The following AGXT2 variants were observed in gnomAD, a reference collection of about 807,000 sequenced individuals.
The protein encoded by AGXT2 is alanine--glyoxylate aminotransferase 2, also known as alanine--glyoxylate aminotransferase 2, mitochondrial.
Under a neutral mutation model 62.5 loss-of-function variants are expected in AGXT2, and 61 were observed. The ratio of observed to expected loss-of-function variants is 0.98; its 90% CI spans 0.79 to 1.21. The LOEUF (loss-of-function observed/expected upper bound fraction) is 1.21, where lower values mean the gene tolerates loss of function less well. AGXT2 is among the 50% of genes most tolerant of loss of function. AGXT2 has a pLI of 0.00. For missense variants in AGXT2, 666 were observed against 641.5 expected, an observed-to-expected ratio of 1.04 and a Z score of -0.41; for synonymous variants, 243 against 218.7, an observed-to-expected ratio of 1.11 and a Z score of -0.98.
At chr5:35,022,756 A>AG (rs1767161589) in intron 9 of AGXT2, among the ~76,000 whole-genome samples, 1 of 151,372 alleles carries the variant, frequency 6.6e-6, no homozygotes, top group Non-Finnish European at 1.5e-5. Context: ...GTAAAAAAAA[A>AG]AAAAAAGGAA....
intron 7 of AGXT2, among the ~76,000 whole-genome samples, chr5:35,032,413 C>T (rs1170307648): frequency 6.6e-6 from 1 of 152,112 alleles, no homozygotes; most frequent in Non-Finnish European, 1.5e-5. Context: ...AAATTGACAC[C>T]AGAGCTATTG....
In AGXT2 at chr5:35,008,163, G is replaced by A. The variant is rs139611169; in HGVS notation, c.1338+1837C>T. ...GTATTCCTTTACAGCAACACAAATG[G>A]ACTAAAAAAACCTGTTTCATTGTTT... On this transcript the variant is annotated intron_variant, in intron 12 of 13. Coordinates refer to ENST00000231420, the MANE Select transcript of AGXT2 (RefSeq NM_031900.4). Among the ~76,000 whole-genome samples, 710 of 152,086 alleles carry A rather than the reference G, an allele frequency of 4.7e-3. 4 individuals carry two copies. The highest frequency in any genetic ancestry group is 7.4e-3 in the Non-Finnish European group (504 of 67,984).
chr5:35,047,500 T>A (rs879730474), intron 1 of AGXT2, among the ~76,000 whole-genome samples: 1 of 152,210 alleles, frequency 6.6e-6, no homozygotes, highest in Non-Finnish European at 1.5e-5. Flanking sequence ...CACACTCTAT[T>A]TTGATTGCTT....
chr5:35,020,454 C>A (rs966987763), intron 9 of AGXT2, among the ~76,000 whole-genome samples: 2 of 152,108 alleles, frequency 1.3e-5, no homozygotes, highest in Non-Finnish European at 2.9e-5. Flanking sequence ...AGCATATAAG[C>A]AGAACCAAAG....
Position 35,013,033 on chromosome 5 carries a change from G to T in AGXT2, c.1109C>A (p.Ser370Tyr). ...GAAGTGCTGCAGGCATTTCGCCAAA[G>T]ATTTGGCAATCTCTAGAGGGAGAAA... ...AVITTPEIAKSLAKCLQHFNT... is the reference protein window; with the variant it reads ...AVITTPEIAKYLAKCLQHFNT... The change falls in exon 11 of 14, where the codon TCT becomes TAT. Residue 370 changes from serine to tyrosine, a missense_variant. Physicochemically the swap from Ser to Tyr is moderately radical, Grantham distance 144. Transcript: ENST00000231420. 1 of 1,551,722 alleles carries T rather than the reference G, an allele frequency of 6.4e-7. No homozygotes were observed. Among genetic ancestry groups the T allele is most frequent in the Admixed American group, 2.0e-5 (1 of 51,010 alleles).
intron 8 of AGXT2, 189 bp from the exon 9 acceptor site, chr5:35,026,044 AAAG>A (rs1767331858): frequency 1.6e-6 from 1 of 629,926 alleles, no homozygotes; most frequent in African/African-American, 1.8e-5. Context: ...CTTCTGGAAA[AAAG>A]ATGCAAACAT....
intron 7 of AGXT2, among the ~76,000 whole-genome samples, chr5:35,029,101 G>A (rs773603361): frequency 8.5e-5 from 13 of 152,206 alleles, no homozygotes; most frequent in Non-Finnish European, 1.6e-4. Context: ...GTGTGAGAAA[G>A]GAAGAAATGA....
intron 1 of AGXT2, among the ~76,000 whole-genome samples, chr5:35,045,928 C>T (rs562696442): frequency 3.3e-5 from 5 of 151,882 alleles, no homozygotes; most frequent in Admixed American, 6.6e-5. Context: ...CCACCATGCC[C>T]GACTAATTTT....
intron 7 of AGXT2, among the ~76,000 whole-genome samples, chr5:35,029,644 T>G (rs1230850261): frequency 1.3e-5 from 2 of 152,206 alleles, no homozygotes; most frequent in African/African-American, 4.8e-5. Context: ...CAGAAAGAGT[T>G]AAGCTGAGTG....
At position 34,998,520 on chromosome 5, in the gene AGXT2, C is replaced by T; in HGVS notation, c.*199G>A. The T allele has an allele frequency of 1.6e-6, 1 of 614,084 alleles. No individual in the cohort carries two copies. The highest frequency in any genetic ancestry group is 2.9e-6 in the Non-Finnish European group (1 of 347,266). The allele number at this position is 614,084 out of a possible 1,614,324, so 38.0% of individuals were successfully genotyped here. A position where few individuals can be genotyped will look rare whatever the true frequency, so the allele number is the denominator to read the frequency against. On this transcript the variant is annotated 3_prime_UTR_variant, in exon 14 of 14. Transcript: ENST00000231420. The stretch of plus-strand genomic sequence containing the variant: ...TTCTCTGAGCTAGGGAGATCCTTTC[C>T]CTGAAGAATGGAGTTCTCAAGATAA...
At chr5:35,006,705 G>C (rs146963886) in intron 12 of AGXT2, among the ~76,000 whole-genome samples, 1 of 152,260 alleles carries the variant, frequency 6.6e-6, no homozygotes, top group East Asian at 1.9e-4. Context: ...AAAATGTATA[G>C]ATATTTAAAA....
intron 7 of AGXT2, among the ~76,000 whole-genome samples, chr5:35,029,908 TGC>T (rs1191099866): frequency 6.6e-6 from 1 of 152,170 alleles, no homozygotes; most frequent in East Asian, 1.9e-4. Flanking sequence ...AATGGCCCCC[TGC>T]CTCTGTTGGG....
intron 7 of AGXT2, among the ~76,000 whole-genome samples, chr5:35,032,500 G>A (rs1767606608): frequency 6.6e-6 from 1 of 152,198 alleles, no homozygotes; most frequent in Admixed American, 6.5e-5. Context: ...GGCTCTGATA[G>A]CGTGAGATGC....
intron 2 of AGXT2, 49 bp from the exon 3 acceptor site, chr5:35,039,557 G>A (rs1050955008): frequency 1.3e-6 from 2 of 1,584,154 alleles, no homozygotes; most frequent in Non-Finnish European, 1.7e-6. Context: ...AAGATCAATA[G>A]CAGTCAATCT....
chr5:35,011,889 T>G (rs927203151), intron 11 of AGXT2, among the ~76,000 whole-genome samples: 1 of 149,474 alleles, frequency 6.7e-6, no homozygotes, highest in African/African-American at 2.5e-5. Context: ...CATCAATTGA[T>G]GAGTGGATAA....
In AGXT2 at chr5:35,026,431, T is replaced by A. The variant is rs775148379; in HGVS notation, c.849A>T (p.Gly283=). ...CCACTTGAATAGGTTCTGCGAAAAA[T>A]CCAGCAATTGACTTGGCCACAGATG... ...LSTSVAKSIA[G]FFAEPIQGVN... is the part of the protein sequence containing the mutation. The change falls in exon 8 of 14, where the codon GGA becomes GGT. Residue 283 remains glycine, a synonymous_variant. Transcript: ENST00000231420. The A allele has an allele frequency of 9.9e-6, 16 of 1,614,008 alleles. No homozygotes were observed. The highest frequency in any genetic ancestry group is 1.3e-5 in the African/African-American group (1 of 74,920).
intron 2 of AGXT2, 119 bp from the exon 3 acceptor site, chr5:35,039,627 G>T: frequency 2.0e-6 from 2 of 1,018,116 alleles, no homozygotes; most frequent in Non-Finnish European, 3.0e-6. Context: ...GCCTGTAGAG[G>T]CTCAGAAGTG....
At chr5:35,009,850 C>A in intron 12 of AGXT2, 150 bp downstream of exon 12, 1 of 1,037,446 alleles carries the variant, frequency 9.6e-7, no homozygotes, top group East Asian at 2.5e-5. Context: ...TCATACTCAA[C>A]ACTCTCTACT....
In AGXT2 at chr5:35,046,925, G is replaced by A. The variant is rs541404131; in HGVS notation, c.88+880C>T. On this transcript the variant is annotated intron_variant, in intron 1 of 13. Coordinates refer to ENST00000231420, the MANE Select transcript of AGXT2 (RefSeq NM_031900.4). ...CCATGTGAAAATCACAAGCATATAG[G>A]ATATTACTCATAAAGCCACCAATGT... 2.0e-5 allele frequency among the ~76,000 whole-genome samples: 3 copies of A among 152,258 alleles called. No homozygotes were observed. In the East Asian group the frequency reaches 5.8e-4, roughly 29 times the overall value.
Sources: gnomAD v4.1 joint callset for allele counts (sites outside exome capture counted in the v4.1 genomes callset) on GRCh38, gnomAD v4.1.1 for gene constraint, MANE v1.5 for transcripts, NCBI Gene and HGNC (gene_info 2026-07-23, HGNC 2026-07-21) for gene names.